NXN: variants seen among roughly 807,000 people sequenced by gnomAD.
NXN encodes nucleoredoxin, also known as nucleoredoxin 1.
Under a neutral mutation model 48.6 loss-of-function variants are expected in NXN, and 16 were observed. The observed-to-expected ratio is 0.33, with a 90% CI of 0.22 to 0.50. The LOEUF (loss-of-function observed/expected upper bound fraction) is 0.50, where lower values mean the gene tolerates loss of function less well. Among genes scored for constraint, NXN ranks in the 20% least tolerant of loss-of-function variants. The pLI is 0.98. For synonymous variants in NXN, 281 were observed against 269.6 expected, an observed-to-expected ratio of 1.04 and a Z score of -0.41; for missense variants, 492 against 605.5, an observed-to-expected ratio of 0.81 and a Z score of 1.97.
chr17:966,213 C>T (rs936789742), intron 1 of NXN, among the ~76,000 whole-genome samples: 4 of 152,094 alleles, frequency 2.6e-5, no homozygotes, highest in Non-Finnish European at 4.4e-5. Context: ...GTCCAACCCA[C>T]AGCACGCGGA....
intron 1 of NXN, among the ~76,000 whole-genome samples, chr17:906,331 T>TA (rs2068580864): frequency 2.6e-5 from 4 of 151,880 alleles, no homozygotes; most frequent in Admixed American, 6.6e-5. Context: ...GGCCTGGAAT[T>TA]AATAAATAAA....
intron 1 of NXN, among the ~76,000 whole-genome samples, chr17:897,924 G>T (rs142550452): frequency 1.8e-4 from 28 of 152,146 alleles, no homozygotes; most frequent in Admixed American, 7.9e-4. Context: ...CAGGTGATCC[G>T]CCCACCTCGG....
chr17:972,870 T>A (rs994225318), intron 1 of NXN, among the ~76,000 whole-genome samples: 6 of 151,394 alleles, frequency 4.0e-5, no homozygotes, highest in African/African-American at 9.7e-5. Context: ...TCTCTACTAA[T>A]AATACAAAAA....
At chr17:901,855 A>G (rs866806377) in intron 1 of NXN, among the ~76,000 whole-genome samples, 3 of 152,072 alleles carry the variant, frequency 2.0e-5, no homozygotes, top group Admixed American at 1.3e-4. Context: ...ACCCACCATC[A>G]TGCCCAGCTA....
intron 1 of NXN, chr17:842,701 G>A (rs1377578724): frequency 3.2e-6 from 1 of 310,322 alleles, no homozygotes. Context: ...ACTTTGGGAG[G>A]CTGAGGCGGG....
intron 1 of NXN, chr17:863,900 G>T: frequency 7.3e-7 from 1 of 1,374,836 alleles, no homozygotes; most frequent in Non-Finnish European, 1.0e-6. Flanking sequence ...GAGCTCTGTA[G>T]AGGTTTATGT....
chr17:954,610 G>A (rs2069145872), intron 1 of NXN, among the ~76,000 whole-genome samples: 1 of 152,180 alleles, frequency 6.6e-6, no homozygotes, highest in African/African-American at 2.4e-5. Flanking sequence ...TGATTCCCAC[G>A]ACCCCAGGCC....
At chr17:924,663 T>C (rs1488954496) in intron 1 of NXN, among the ~76,000 whole-genome samples, 1 of 152,218 alleles carries the variant, frequency 6.6e-6, no homozygotes, top group Non-Finnish European at 1.5e-5. Context: ...ACCATCTGTC[T>C]CCAGAACTTT....
rs938324444 is a variant in NXN at position 978,281 on chromosome 17, A to C, written c.360+1038T>G. ...ACACTCACGAAGCAACAGCGCTCCA[A>C]AACTTTTTCTGACTCCATTCATTAC... On this transcript the variant is annotated intron_variant, in intron 1 of 7. Transcript: ENST00000336868. The surrounding 1 kb of genome is among the most constrained non-coding windows in gnomAD (Gnocchi z 4.1). 3 of 152,198 alleles carry C rather than the reference A, an allele frequency of 2.0e-5. No individual in the cohort carries two copies. Among genetic ancestry groups the C allele is most frequent in the African/African-American group, 7.2e-5 (3 of 41,432 alleles). 9.4% of individuals were successfully genotyped at this position (152,198 alleles called of 1,614,324 possible).
chr17:812,671 T>TAGGTGTGTGC (rs1912159312), intron 5 of NXN, among the ~76,000 whole-genome samples: 8 of 149,330 alleles, frequency 5.4e-5, no homozygotes, highest in Non-Finnish European at 8.9e-5. Context: ...TAGGTGTGTG[T>TAGGTGTGTGC]GAGTGTAGGT....
chr17:895,803 T>TCAGAGCAAGACTCC (rs1567853155), intron 1 of NXN, among the ~76,000 whole-genome samples: 1 of 147,070 alleles, frequency 6.8e-6, no homozygotes, highest in African/African-American at 2.5e-5. Flanking sequence ...GGGTTTTGTT[T>TCAGAGCAAGACTCC]GTCTCAAAAA....
At chr17:812,075 C>T (rs1008631001) in intron 5 of NXN, among the ~76,000 whole-genome samples, 2 of 151,234 alleles carry the variant, frequency 1.3e-5, no homozygotes, top group Non-Finnish European at 2.9e-5. Context: ...CTACAGGCGC[C>T]CGTCACCACG....
chr17:900,525 G>T (rs1380637998), intron 1 of NXN, among the ~76,000 whole-genome samples: 1 of 152,116 alleles, frequency 6.6e-6, no homozygotes, highest in Non-Finnish European at 1.5e-5. Flanking sequence ...CTCCCAGGAG[G>T]CTGCTGGCAA....
intron 1 of NXN, among the ~76,000 whole-genome samples, chr17:967,042 C>G (rs1305634072): frequency 6.6e-6 from 1 of 152,116 alleles, no homozygotes; most frequent in African/African-American, 2.4e-5. Flanking sequence ...ACACCCCACA[C>G]AGAGACGGTG....
In NXN at chr17:898,988, T is replaced by G. The variant is rs1213004578; in HGVS notation, c.361-72910A>C. Among the ~76,000 whole-genome samples, 2 of 22,034 alleles carry G rather than the reference T, an allele frequency of 9.1e-5. 1 individual carries two copies. The highest frequency in any genetic ancestry group is 1.4e-3 in the Admixed American group (2 of 1,480). The allele number at this position is 22,034 out of a possible 152,430, so 14.5% of individuals were successfully genotyped here. On this transcript the variant is annotated intron_variant, in intron 1 of 7. Coordinates refer to ENST00000336868, the MANE Select transcript of NXN (RefSeq NM_022463.5). ...TTTCTTTTTTTTTGAGACAGAGCCT[T>G]GCTCTGTCGCCCAGGCTGGAGTGCA...
intron 1 of NXN, among the ~76,000 whole-genome samples, chr17:943,712 C>T (rs1004280216): frequency 8.6e-5 from 13 of 151,120 alleles, no homozygotes; most frequent in African/African-American, 2.7e-4. Flanking sequence ...ATCCCAGCTA[C>T]GACTCGGGGG....
intron 1 of NXN, among the ~76,000 whole-genome samples, chr17:960,677 T>G (rs1014198915): frequency 2.0e-5 from 3 of 152,044 alleles, no homozygotes; most frequent in African/African-American, 7.2e-5. Context: ...AAGGTCTTGC[T>G]ATATTGCCCA....
Position 807,315 on chromosome 17 carries a change from C to G in NXN, c.821-2068G>C, listed in dbSNP as rs529577187. The stretch of plus-strand genomic sequence containing the variant: ...GGCAATTATGAGCACTGGGGTAAAC[C>G]AGAGCCCCTGCTGCTGTGACAGGCC... On this transcript the variant is annotated intron_variant, in intron 5 of 7. Transcript: ENST00000336868. 3.9e-5 allele frequency among the ~76,000 whole-genome samples: 6 copies of G among 152,336 alleles called. No individual in the cohort carries two copies. In the South Asian group the frequency reaches 6.2e-4, roughly 16 times the overall value.
chr17:916,676 C>T (rs772590792), intron 1 of NXN, among the ~76,000 whole-genome samples: 7 of 152,132 alleles, frequency 4.6e-5, no homozygotes, highest in East Asian at 3.9e-4. Flanking sequence ...CGGTGGCTCA[C>T]GCCCGTAATC....
Sources: gnomAD v4.1 joint callset for allele counts (sites outside exome capture counted in the v4.1 genomes callset) on GRCh38, gnomAD v4.1.1 for gene constraint, Gnocchi (gnomAD v3.1) non-coding constraint, MANE v1.5 for transcripts, NCBI Gene and HGNC (gene_info 2026-07-23, HGNC 2026-07-21) for gene names.